ZMYM4: variants seen among roughly 807,000 people sequenced by gnomAD.
ZMYM4 encodes zinc finger MYM-type protein 4.
A neutral mutation model predicts 183.2 loss-of-function variants in ZMYM4; 31 were observed. That is an observed-to-expected ratio of 0.17 (90% confidence interval 0.13 to 0.23). The LOEUF (loss-of-function observed/expected upper bound fraction) is 0.23, where lower values mean the gene tolerates loss of function less well. Ranked by LOEUF, ZMYM4 falls within the 10% of genes least tolerant of loss-of-function variation. The pLI, the probability that ZMYM4 is intolerant of heterozygous loss-of-function variation, is 1.00. For missense variants in ZMYM4, 1,273 were observed against 1,840.3 expected (o/e 0.69, Z 5.64); for synonymous variants, 592 against 631.2 (o/e 0.94, Z 0.93).
chr1:35,268,971 TG>T lies in ZMYM4; in HGVS notation c.-73del. The T allele has an allele frequency of 3.4e-6, 5 of 1,454,028 alleles. No individual in the cohort carries two copies. The highest frequency in any genetic ancestry group is 3.6e-6 in the Non-Finnish European group (4 of 1,099,570). 90.1% of individuals were successfully genotyped at this position (1,454,028 alleles called of 1,614,324 possible). ...CCGCGAGGCGGCCGTGCCTGCAGTG[TG>T]GGCGGGGGCCGGGGGGCCGAGAGGT... On this transcript the variant is annotated 5_prime_UTR_variant, in exon 1 of 30. Transcript: ENST00000314607.
chr1:35,332,010 G>A (rs1642775347), intron 2 of ZMYM4, among the ~76,000 whole-genome samples: 1 of 151,606 alleles, frequency 6.6e-6, no homozygotes, highest in Non-Finnish European at 1.5e-5. Flanking sequence ...AAAGATAAGA[G>A]AAAAAAATAG....
chr1:35,285,378 T>C (rs963265753), intron 1 of ZMYM4, among the ~76,000 whole-genome samples: 2 of 152,172 alleles, frequency 1.3e-5, no homozygotes, highest in Non-Finnish European at 2.9e-5. Context: ...GGTCTTTTAG[T>C]GTACAAGTCT....
intron 3 of ZMYM4, among the ~76,000 whole-genome samples, chr1:35,360,943 A>AT (rs558784834): frequency 0.14 from 19,979 of 138,158 alleles, 3,424 homozygotes; most frequent in African/African-American, 0.41. Flanking sequence ...AGCAAAAATA[A>AT]TTTTTTTTTT....
At chr1:35,328,101 G>T (rs1288204833) in intron 2 of ZMYM4, among the ~76,000 whole-genome samples, 2 of 152,136 alleles carry the variant, frequency 1.3e-5, no homozygotes, top group Non-Finnish European at 2.9e-5. Flanking sequence ...TGTTAAAGTT[G>T]TTGCAGTAAA....
intron 5 of ZMYM4, among the ~76,000 whole-genome samples, chr1:35,364,452 T>G (rs868126767): frequency 1.2e-4 from 18 of 152,344 alleles, no homozygotes; most frequent in African/African-American, 4.3e-4. Context: ...GATTCTTTCC[T>G]TCTTTTCTTT....
intron 1 of ZMYM4, 57 bp from the exon 2 acceptor site, chr1:35,325,303 G>T: frequency 6.6e-7 from 1 of 1,513,402 alleles, no homozygotes. Context: ...GATACCAAAA[G>T]AATGTATGAT....
intron 2 of ZMYM4, among the ~76,000 whole-genome samples, chr1:35,354,091 A>G (rs1382735597): frequency 2.6e-5 from 4 of 152,150 alleles, no homozygotes; most frequent in South Asian, 2.1e-4. Flanking sequence ...TGAGACTGCA[A>G]TGAGCCGTGG....
intron 1 of ZMYM4, among the ~76,000 whole-genome samples, chr1:35,271,238 A>G (rs758738491): frequency 6.6e-6 from 1 of 152,136 alleles, no homozygotes; most frequent in Non-Finnish European, 1.5e-5. Flanking sequence ...GTTCTAGGAT[A>G]TTCTAGAAAA....
intron 2 of ZMYM4, among the ~76,000 whole-genome samples, chr1:35,349,467 G>A (rs1171312593): frequency 6.6e-6 from 1 of 151,986 alleles, no homozygotes; most frequent in African/African-American, 2.4e-5. Context: ...CTTATAAAGG[G>A]GTTTTTATTA....
At chr1:35,360,054 G>C (rs1643902826) in intron 3 of ZMYM4, among the ~76,000 whole-genome samples, 1 of 151,762 alleles carries the variant, frequency 6.6e-6, no homozygotes, top group African/African-American at 2.4e-5. Context: ...CTTTCCTCCT[G>C]CTATTCCATT....
At chr1:35,281,537 T>C (rs970357173) in intron 1 of ZMYM4, among the ~76,000 whole-genome samples, 3 of 152,040 alleles carry the variant, frequency 2.0e-5, no homozygotes, top group African/African-American at 7.2e-5. Flanking sequence ...TTTAAGGTGA[T>C]GGATATGCTA....
intron 1 of ZMYM4, among the ~76,000 whole-genome samples, chr1:35,298,676 C>T (rs1190608808): frequency 1.3e-5 from 2 of 152,136 alleles, no homozygotes; most frequent in Non-Finnish European, 2.9e-5. Flanking sequence ...GGCTAGAGAA[C>T]AGTGTTAACA....
rs1639436236 is a variant in ZMYM4, at chr1:35,268,841, C to T, written c.-206C>T. The T allele has an allele frequency of 4.4e-6, 2 of 451,972 alleles. No homozygotes were observed. Among genetic ancestry groups the T allele is most frequent in the South Asian group, 1.1e-4 (1 of 9,450 alleles). 28.0% of individuals were successfully genotyped at this position (451,972 alleles called of 1,614,324 possible). The stretch of plus-strand genomic sequence containing the variant: ...CCACCCCGTCCCCGGGCAGGCCCTC[C>T]CGCCCACGCGCGGACCCGTGGGATC... On this transcript the variant is annotated 5_prime_UTR_variant, in exon 1 of 30. Coordinates refer to ENST00000314607, the MANE Select transcript of ZMYM4 (RefSeq NM_005095.3).
At chr1:35,306,272 A>G (rs976142113) in intron 1 of ZMYM4, among the ~76,000 whole-genome samples, 1 of 152,210 alleles carries the variant, frequency 6.6e-6, no homozygotes, top group African/African-American at 2.4e-5. Context: ...TAGAACCTGT[A>G]GAATAGTATA....
intron 1 of ZMYM4, among the ~76,000 whole-genome samples, chr1:35,311,865 C>CT (rs1641817330): frequency 3.3e-5 from 5 of 152,016 alleles, no homozygotes; most frequent in Admixed American, 3.3e-4. Context: ...TATTATTTCA[C>CT]TTTTGTATGA....
chr1:35,398,308 C>T (rs1370568296), intron 20 of ZMYM4, 105 bp from the exon 21 acceptor site: 1 of 947,818 alleles, frequency 1.1e-6, no homozygotes. Context: ...AATCTATTTA[C>T]TTAGAACTTT....
intron 1 of ZMYM4, among the ~76,000 whole-genome samples, chr1:35,278,762 C>G (rs1190002163): frequency 1.3e-5 from 2 of 152,110 alleles, no homozygotes; most frequent in Non-Finnish European, 1.5e-5. Flanking sequence ...AATATTATAA[C>G]CTCAAAAAGT....
chr1:35,271,556 C>G (rs1639608153), intron 1 of ZMYM4, among the ~76,000 whole-genome samples: 1 of 152,142 alleles, frequency 6.6e-6, no homozygotes, highest in African/African-American at 2.4e-5. Flanking sequence ...GCAAGCACCA[C>G]CATGCCTGGC....
chr1:35,345,893 G>C (rs1643373998), intron 2 of ZMYM4, among the ~76,000 whole-genome samples: 1 of 152,210 alleles, frequency 6.6e-6, no homozygotes, highest in African/African-American at 2.4e-5. Context: ...TCTGTAGAAT[G>C]CTTTTCATTT....
Sources: allele counts gnomAD v4.1 joint callset (sites outside exome capture counted in the v4.1 genomes callset), GRCh38; gene constraint gnomAD v4.1.1; transcripts MANE v1.5; gene names NCBI Gene and HGNC (gene_info 2026-07-23, HGNC 2026-07-21).